Variants in RIMS2 observed in about 807,000 individuals in gnomAD.
The protein encoded by RIMS2 is regulating synaptic membrane exocytosis protein 2.
In RIMS2, 59 loss-of-function variants were observed where a neutral mutation model predicts 174.4. That is an observed-to-expected ratio of 0.34 (90% CI 0.27 to 0.42). The LOEUF is 0.42. RIMS2 is among the 10% of genes least tolerant of loss of function. The pLI is 1.00. For missense variants in RIMS2, 1,620 were observed against 1,666.3 expected (o/e 0.97, Z 0.48); for synonymous variants, 606 against 572.5 (o/e 1.06, Z -0.84).
intron 1 of RIMS2, among the ~76,000 whole-genome samples, chr8:103,626,548 C>G (rs757456194): frequency 3.3e-5 from 5 of 152,140 alleles, no homozygotes; most frequent in African/African-American, 1.2e-4. Flanking sequence ...AGCTGTTGCA[C>G]ATAAAAGTGA....
At chr8:103,549,446 A>T (rs891161458) in intron 1 of RIMS2, among the ~76,000 whole-genome samples, 1 of 152,136 alleles carries the variant, frequency 6.6e-6, no homozygotes, top group South Asian at 2.1e-4. Flanking sequence ...CACCAGGCCT[A>T]CCTTACAAGA....
At chr8:104,050,484 C>A (rs1184440512) in intron 19 of RIMS2, among the ~76,000 whole-genome samples, 1 of 151,964 alleles carries the variant, frequency 6.6e-6, no homozygotes, top group East Asian at 1.9e-4. Flanking sequence ...TGAACTAAAC[C>A]AGAAGACTAA....
intron 1 of RIMS2, among the ~76,000 whole-genome samples, chr8:103,528,034 A>C (rs1057305256): frequency 6.6e-6 from 1 of 152,216 alleles, no homozygotes; most frequent in Non-Finnish European, 1.5e-5. Flanking sequence ...CTATTTCTCC[A>C]CATCCTCTCC....
chr8:104,229,780 AAAG>A (rs148155466), intron 19 of RIMS2, among the ~76,000 whole-genome samples: 13,918 of 152,170 alleles, frequency 0.091, 783 homozygotes, highest in African/African-American at 0.16. Flanking sequence ...CCAAATTCCC[AAAG>A]AAGAGATTTC....
At chr8:104,134,364 C>T (rs1224722720) in intron 19 of RIMS2, among the ~76,000 whole-genome samples, 1 of 152,156 alleles carries the variant, frequency 6.6e-6, no homozygotes, top group African/African-American at 2.4e-5. Context: ...ACTCTGGAGG[C>T]TGAGGTAGGA....
intron 19 of RIMS2, among the ~76,000 whole-genome samples, chr8:104,039,260 G>A (rs1010042005): frequency 6.6e-6 from 1 of 151,316 alleles, no homozygotes; most frequent in Non-Finnish European, 1.5e-5. Flanking sequence ...GTTTTTATTG[G>A]GTCATATAGT....
chr8:104,117,107 A>C (rs1440906317), intron 19 of RIMS2, among the ~76,000 whole-genome samples: 1 of 152,064 alleles, frequency 6.6e-6, no homozygotes, highest in Non-Finnish European at 1.5e-5. Flanking sequence ...CCAGCCAATC[A>C]GGAAACTGAG....
At chr8:103,755,292 A>T (rs1007732317) in intron 2 of RIMS2, among the ~76,000 whole-genome samples, 9 of 152,164 alleles carry the variant, frequency 5.9e-5, no homozygotes, top group African/African-American at 2.2e-4. Context: ...TTCTGCCAAG[A>T]TATCCACTGT....
chr8:103,649,529 GTA>G (rs2096409580), intron 1 of RIMS2, among the ~76,000 whole-genome samples: 1 of 152,130 alleles, frequency 6.6e-6, no homozygotes, highest in East Asian at 1.9e-4. Flanking sequence ...ATATACTTAA[GTA>G]TGTTTTGCAA....
intron 19 of RIMS2, among the ~76,000 whole-genome samples, chr8:104,224,829 A>G (rs1254633708): frequency 6.6e-6 from 1 of 152,156 alleles, no homozygotes; most frequent in Non-Finnish European, 1.5e-5. Flanking sequence ...GATTGGTAAT[A>G]TGTCTGGAAA....
intron 1 of RIMS2, among the ~76,000 whole-genome samples, chr8:103,609,506 T>C (rs944122049): frequency 6.6e-6 from 1 of 152,260 alleles, no homozygotes; most frequent in African/African-American, 2.4e-5. Flanking sequence ...TTTGACTCTT[T>C]AATCCATCTT....
chr8:103,793,245 G>A (rs1246488796), intron 3 of RIMS2, among the ~76,000 whole-genome samples: 2 of 152,194 alleles, frequency 1.3e-5, no homozygotes, highest in African/African-American at 4.8e-5. Context: ...GATCAAGTGG[G>A]CTTCATCCCT....
chr8:103,620,124 A>G (rs1564046802), intron 1 of RIMS2, among the ~76,000 whole-genome samples: 1 of 152,156 alleles, frequency 6.6e-6, no homozygotes, highest in Non-Finnish European at 1.5e-5. Context: ...ACTGTTGGCT[A>G]ATAAAGTGGT....
chr8:104,229,685 A>G (rs898109528), intron 19 of RIMS2, among the ~76,000 whole-genome samples: 1 of 152,084 alleles, frequency 6.6e-6, no homozygotes, highest in African/African-American at 2.4e-5. Context: ...CATGTGGCCT[A>G]TGGAAAATGG....
intron 3 of RIMS2, among the ~76,000 whole-genome samples, chr8:103,796,972 A>T (rs2098554021): frequency 6.6e-6 from 1 of 152,082 alleles, no homozygotes; most frequent in Admixed American, 6.6e-5. Flanking sequence ...ACATGGGAGG[A>T]GGGAAAGGGA....
chr8:103,572,288 G>C (rs1436493541), intron 1 of RIMS2, among the ~76,000 whole-genome samples: 1 of 152,198 alleles, frequency 6.6e-6, no homozygotes, highest in African/African-American at 2.4e-5. Flanking sequence ...GGGGACCTGA[G>C]CGGGTTGCTG....
chr8:103,863,235 G>C (rs544224338), intron 3 of RIMS2, among the ~76,000 whole-genome samples: 11 of 152,016 alleles, frequency 7.2e-5, no homozygotes, highest in Non-Finnish European at 1.5e-4. Flanking sequence ...TATGCTTTTT[G>C]TTTTTAATTC....
chr8:103,513,045 A>T (rs1827307140), intron 1 of RIMS2, among the ~76,000 whole-genome samples: 1 of 152,230 alleles, frequency 6.6e-6, no homozygotes, highest in South Asian at 2.1e-4. Context: ...AGAAAGTGGC[A>T]GGGCTGCTGT....
chr8:103,522,762 AC>A (rs1344708045), intron 1 of RIMS2, among the ~76,000 whole-genome samples: 1 of 152,184 alleles, frequency 6.6e-6, no homozygotes, highest in Non-Finnish European at 1.5e-5. Flanking sequence ...ATAAGTTATA[AC>A]CTTAAACAGA....
Sources: allele counts gnomAD v4.1 joint callset (sites outside exome capture counted in the v4.1 genomes callset), GRCh38; gene constraint gnomAD v4.1.1; transcripts MANE v1.5; gene names NCBI Gene and HGNC (gene_info 2026-07-23, HGNC 2026-07-21).